The following TAF1 variants were observed in gnomAD, a reference collection of about 807,000 sequenced individuals.
TAF1 encodes transcription initiation factor TFIID subunit 1.
In TAF1, 2 loss-of-function variants were observed where a neutral mutation model predicts 138.5. The observed-to-expected ratio is 0.01, with a 90% confidence interval of 0.01 to 0.05. The LOEUF (loss-of-function observed/expected upper bound fraction) is 0.05, where lower values mean the gene tolerates loss of function less well. Among genes scored for constraint, TAF1 ranks in the 10% least tolerant of loss-of-function variants. The pLI is 1.00. For missense variants in TAF1, 709 were observed against 1,478.0 expected (o/e 0.48, Z 8.53); for synonymous variants, 437 against 503.2 (o/e 0.87, Z 1.76).
chrX:71,404,644 A>T (rs751721534), intron 25 of TAF1, among the ~76,000 whole-genome samples: 1 of 111,721 alleles, frequency 9.0e-6, no homozygotes, highest in Non-Finnish European at 1.9e-5. Context: ...GCTGGTATAC[A>T]TATATTTTAA....
chrX:71,455,479 T>C (rs371603374), intron 34 of TAF1, among the ~76,000 whole-genome samples: 1 of 111,795 alleles, frequency 8.9e-6, no homozygotes, highest in African/African-American at 3.2e-5. Flanking sequence ...TCTTAGAGGG[T>C]TGGCATATTT....
In TAF1 at chrX:71,378,686, A is replaced by G. The variant is rs1569277254; in HGVS notation, c.1153-138A>G. The G allele has an allele frequency of 8.2e-6, 6 of 733,037 alleles. No individual in the cohort carries two copies. In the East Asian group the frequency reaches 9.9e-5, roughly 12 times the overall value. The allele number at this position is 733,037 out of a possible 1,213,427, so 60.4% of individuals were successfully genotyped here. On this transcript the variant is annotated intron_variant, in intron 7 of 37. Coordinates refer to ENST00000423759, the MANE Select transcript of TAF1 (RefSeq NM_004606.5). ...AGACTAGGAGTGGGAAGAGGCAAAT[A>G]TTCCTCCGTTATCAGGTGGTTGTTT... is the stretch of plus-strand genomic sequence containing the variant.
intron 13 of TAF1, among the ~76,000 whole-genome samples, chrX:71,509,613 A>G (rs2039697135): frequency 9.0e-6 from 1 of 110,957 alleles, no homozygotes; most frequent in Non-Finnish European, 1.9e-5. Flanking sequence ...CAAGGCTGGA[A>G]GATCATTTCA....
chrX:71,526,852 A>G (rs1273991893), intron 13 of TAF1, among the ~76,000 whole-genome samples: 1 of 106,804 alleles, frequency 9.4e-6, no homozygotes, highest in Non-Finnish European at 1.9e-5. Context: ...AGGATCACGT[A>G]AGGCCAGGAG....
At chrX:71,416,998 T>G (rs2036046701) in intron 28 of TAF1, among the ~76,000 whole-genome samples, 1 of 91,293 alleles carries the variant, frequency 1.1e-5, no homozygotes, top group African/African-American at 4.3e-5. Context: ...CCAACCTGAG[T>G]GACAGAGCCA....
downstream of TAF1, among the ~76,000 whole-genome samples, chrX:71,467,050 T>C (rs1342932526): frequency 1.1e-5 from 1 of 94,711 alleles, no homozygotes; most frequent in Non-Finnish European, 2.1e-5. Flanking sequence ...GAAAGGAATT[T>C]ACCAGATATT....
At chrX:71,499,034 G>A (rs929982906) in intron 13 of TAF1, among the ~76,000 whole-genome samples, 1 of 111,525 alleles carries the variant, frequency 9.0e-6, no homozygotes, top group East Asian at 2.8e-4. Context: ...TTTGCCCCAG[G>A]CACCCTCAGT....
chrX:71,461,550 G>A (rs2038551574), intron 37 of TAF1, among the ~76,000 whole-genome samples: 1 of 111,038 alleles, frequency 9.0e-6, no homozygotes, highest in Non-Finnish European at 1.9e-5. Context: ...TCTGGTAGAG[G>A]AAAGAGGAAG....
intron 13 of TAF1, among the ~76,000 whole-genome samples, chrX:71,513,206 T>C (rs1472999266): frequency 9.0e-6 from 1 of 111,415 alleles, no homozygotes; most frequent in Non-Finnish European, 1.9e-5. Context: ...CTAACGTGTT[T>C]AAGGCTGAGG....
At chrX:71,492,856 C>G (rs1450109915) in intron 13 of TAF1, 1 of 112,580 alleles carries the variant, frequency 8.9e-6, no homozygotes, top group Non-Finnish European at 1.9e-5. Context: ...TGACGGTCTG[C>G]GAGCCGGTGT....
intron 13 of TAF1, among the ~76,000 whole-genome samples, chrX:71,519,470 C>T (rs892683949): frequency 9.4e-6 from 1 of 106,423 alleles, no homozygotes; most frequent in African/African-American, 3.4e-5. Context: ...GGTGAAACCC[C>T]GTCTCTACTA....
intron 28 of TAF1, chrX:71,420,034 C>G: frequency 4.3e-6 from 1 of 234,330 alleles, no homozygotes. Context: ...TTTTTTTTTT[C>G]CCCTTCTGTC....
intron 32 of TAF1, among the ~76,000 whole-genome samples, chrX:71,444,664 G>A: frequency 9.0e-6 from 1 of 111,663 alleles, no homozygotes; most frequent in East Asian, 2.8e-4. Flanking sequence ...CTTTGGTCAA[G>A]GCTGACCCAG....
At chrX:71,527,675 C>T (rs1263666177) in intron 13 of TAF1, 1 of 113,134 alleles carries the variant, frequency 8.8e-6, no homozygotes, top group Non-Finnish European at 1.9e-5. Flanking sequence ...CCCCACCTCT[C>T]AACAAATTGA....
At chrX:71,376,684 A>G (rs1345227627) in intron 4 of TAF1, among the ~76,000 whole-genome samples, 1 of 110,049 alleles carries the variant, frequency 9.1e-6, no homozygotes, top group Non-Finnish European at 1.9e-5. Context: ...AAAAAACAAC[A>G]AAAAATCGGA....
At chrX:71,373,302 G>A (rs964739787) in intron 3 of TAF1, among the ~76,000 whole-genome samples, 2 of 109,566 alleles carry the variant, frequency 1.8e-5, no homozygotes, top group African/African-American at 3.3e-5. Flanking sequence ...TGAGTAGCTG[G>A]GACTACAGGC....
intron 3 of TAF1, among the ~76,000 whole-genome samples, chrX:71,374,269 G>T (rs1482761837): frequency 9.0e-6 from 1 of 110,518 alleles, no homozygotes; most frequent in Non-Finnish European, 1.9e-5. Flanking sequence ...TTTTGACAGA[G>T]ATGGGGTTTT....
At chrX:71,367,424 C>T in intron 1 of TAF1, 75 bp from the exon 2 acceptor site, 3 of 1,114,066 alleles carry the variant, frequency 2.7e-6, no homozygotes, top group Non-Finnish European at 3.7e-6. Context: ...TTGTCGTGGA[C>T]CAGGGAAATA....
chrX:71,441,949 A>G (rs1413568610), intron 32 of TAF1, among the ~76,000 whole-genome samples: 10 of 109,525 alleles, frequency 9.1e-5, no homozygotes, highest in Non-Finnish European at 1.9e-4. Context: ...TAGTTTGCTC[A>G]GAATGATGGT....
Sources: allele counts gnomAD v4.1 joint callset (sites outside exome capture counted in the v4.1 genomes callset), GRCh38; gene constraint gnomAD v4.1.1; transcripts MANE v1.5; gene names NCBI Gene and HGNC (gene_info 2026-07-23, HGNC 2026-07-21).